The following DHRSX variants were observed in gnomAD, a reference collection of about 807,000 sequenced individuals.
The protein encoded by DHRSX is polyprenol dehydrogenase.
DHRSX carries 31 observed loss-of-function variants against 34.0 expected under a neutral mutation model. That is an observed-to-expected ratio of 0.91 (90% CI 0.69 to 1.23). The LOEUF is 1.23. Among genes scored for constraint, DHRSX ranks in the 50% most tolerant of loss-of-function variants. DHRSX has a pLI of 0.00. For missense variants in DHRSX, 414 were observed against 428.1 expected, an observed-to-expected ratio of 0.97 and a Z score of 0.29; for synonymous variants, 201 against 183.8, an observed-to-expected ratio of 1.09 and a Z score of -0.76.
chrX:2,252,775 TG>T (rs1418208019), intron 5 of DHRSX, among the ~76,000 whole-genome samples: 1 of 151,922 alleles, frequency 6.6e-6, no homozygotes. Context: ...TTCCCTGGGG[TG>T]GGGGTTAGGG....
chrX:2,270,805 G>C (rs1190929320), intron 4 of DHRSX, among the ~76,000 whole-genome samples: 1 of 152,150 alleles, frequency 6.6e-6, no homozygotes, highest in Admixed American at 6.6e-5. Context: ...GAATTGTAAA[G>C]GCACCAATCA....
chrX:2,455,022 G>T (rs2044276297), intron 1 of DHRSX, among the ~76,000 whole-genome samples: 1 of 151,170 alleles, frequency 6.6e-6, no homozygotes, highest in Admixed American at 6.6e-5. Context: ...TAAGGCAGGA[G>T]AATCACTGGA....
intron 1 of DHRSX, among the ~76,000 whole-genome samples, chrX:2,427,321 C>T (rs532177913): frequency 2.2e-4 from 34 of 152,302 alleles, no homozygotes; most frequent in African/African-American, 7.7e-4. Flanking sequence ...CCCCAGAGTT[C>T]GTGAGCTTCT....
intron 3 of DHRSX, among the ~76,000 whole-genome samples, chrX:2,324,183 T>C (rs2042347961): frequency 6.6e-6 from 1 of 152,118 alleles, no homozygotes; most frequent in Admixed American, 6.6e-5. Context: ...CTGCATGTGA[T>C]AGGGTAAGAA....
At chrX:2,439,607 G>A (rs186819281) in intron 1 of DHRSX, among the ~76,000 whole-genome samples, 7 of 152,200 alleles carry the variant, frequency 4.6e-5, no homozygotes, top group East Asian at 3.9e-4. Flanking sequence ...ACTCACCATC[G>A]TGTAGAATCA....
At chrX:2,237,935 G>A (rs183372134) in intron 6 of DHRSX, among the ~76,000 whole-genome samples, 4 of 152,200 alleles carry the variant, frequency 2.6e-5, no homozygotes, top group South Asian at 2.1e-4. Flanking sequence ...ATGAAGCTGC[G>A]AGGAGCTTCC....
At chrX:2,484,590 C>T (rs1276531931) in intron 1 of DHRSX, among the ~76,000 whole-genome samples, 1 of 152,128 alleles carries the variant, frequency 6.6e-6, no homozygotes, top group Non-Finnish European at 1.5e-5. Context: ...CAAAACACTG[C>T]CGTTTTGCTG....
intron 1 of DHRSX, among the ~76,000 whole-genome samples, chrX:2,425,841 G>T (rs927987223): frequency 1.3e-5 from 2 of 152,166 alleles, no homozygotes; most frequent in East Asian, 1.9e-4. Context: ...AGTTTGGTCA[G>T]GTGGGAAGAC....
chrX:2,403,595 C>A, intron 3 of DHRSX, among the ~76,000 whole-genome samples: 1 of 152,256 alleles, frequency 6.6e-6, no homozygotes, highest in Middle Eastern at 3.4e-3. Flanking sequence ...GTGGCTCACG[C>A]CTGTAATCCC....
intron 3 of DHRSX, among the ~76,000 whole-genome samples, chrX:2,318,910 C>T (rs2042272835): frequency 6.6e-6 from 1 of 152,124 alleles, no homozygotes; most frequent in South Asian, 2.1e-4. Context: ...ATCAAGACCC[C>T]TTTCCAGTAA....
chrX:2,335,477 A>G lies in DHRSX; in HGVS notation c.287-43874T>C, dbSNP rs2042547073. Among the ~76,000 whole-genome samples, 4 of 151,694 alleles carry G rather than the reference A, an allele frequency of 2.6e-5. No individual in the cohort carries two copies. The Admixed American group carries it at 2.7e-4, about 10-fold the overall frequency. On this transcript the variant is annotated intron_variant, in intron 3 of 6. Coordinates refer to ENST00000334651, the MANE Select transcript of DHRSX (RefSeq NM_145177.3). ...TGTGTGTGTGTGTGTGTTTAGACAG[A>G]GTATTGCTCTGGCACCAGGCTGGAG...
At chrX:2,233,587 T>C (rs1257261331) in intron 6 of DHRSX, among the ~76,000 whole-genome samples, 1 of 152,104 alleles carries the variant, frequency 6.6e-6, no homozygotes, top group South Asian at 2.1e-4. Flanking sequence ...CTGGAGAGTG[T>C]TGGAGCTGCA....
intron 1 of DHRSX, among the ~76,000 whole-genome samples, chrX:2,483,873 T>C (rs984189710): frequency 6.6e-5 from 10 of 151,822 alleles, no homozygotes; most frequent in Non-Finnish European, 1.5e-4. Flanking sequence ...AGTGTTTACA[T>C]TCGTACATTT....
At chrX:2,332,885 G>A (rs997852008) in intron 3 of DHRSX, among the ~76,000 whole-genome samples, 1 of 152,148 alleles carries the variant, frequency 6.6e-6, no homozygotes, top group African/African-American at 2.4e-5. Context: ...TATTCAGAAT[G>A]TACTCTGCGG....
At chrX:2,348,678 G>C (rs1242449994) in intron 3 of DHRSX, among the ~76,000 whole-genome samples, 1 of 150,126 alleles carries the variant, frequency 6.7e-6, no homozygotes, top group African/African-American at 2.5e-5. Context: ...AGCCCTTGTG[G>C]GTCTCTTATT....
intron 6 of DHRSX, among the ~76,000 whole-genome samples, chrX:2,222,694 A>G (rs2015548469): frequency 6.6e-6 from 1 of 152,204 alleles, no homozygotes; most frequent in African/African-American, 2.4e-5. Context: ...TGTGGGCCAC[A>G]TGGCAAAACC....
At chrX:2,366,707 C>G (rs984997059) in intron 3 of DHRSX, among the ~76,000 whole-genome samples, 2 of 152,068 alleles carry the variant, frequency 1.3e-5, no homozygotes, top group African/African-American at 4.8e-5. Flanking sequence ...AAGCAATCCT[C>G]CTGCCTCAGC....
At chrX:2,252,254 A>AT (rs1809529234) in intron 5 of DHRSX, among the ~76,000 whole-genome samples, 1 of 152,058 alleles carries the variant, frequency 6.6e-6, no homozygotes. Flanking sequence ...AAATAAATAA[A>AT]AAGAAATCTA....
At chrX:2,345,531 C>G (rs1417394719) in intron 3 of DHRSX, among the ~76,000 whole-genome samples, 1 of 151,172 alleles carries the variant, frequency 6.6e-6, no homozygotes, top group Non-Finnish European at 1.5e-5. Flanking sequence ...CCTATAATCA[C>G]AACTACTCGG....
Sources: allele counts gnomAD v4.1 joint callset (sites outside exome capture counted in the v4.1 genomes callset), GRCh38; gene constraint gnomAD v4.1.1; transcripts MANE v1.5; gene names NCBI Gene and HGNC (gene_info 2026-07-23, HGNC 2026-07-21).